PACRG: variants seen among roughly 807,000 people sequenced by gnomAD.
PACRG encodes parkin coregulated gene protein.
A neutral mutation model predicts 29.7 loss-of-function variants in PACRG; 29 were observed. That is an observed-to-expected ratio of 0.98 (90% CI 0.73 to 1.33). The LOEUF (loss-of-function observed/expected upper bound fraction) is 1.33. PACRG is among the 40% of genes most tolerant of loss of function. The pLI is 0.00. For missense variants in PACRG, 279 were observed against 316.2 expected (o/e 0.88, Z 0.89); for synonymous variants, 116 against 118.7 (o/e 0.98, Z 0.15).
chr6:162,893,790 G>T (rs1158758777), intron 2 of PACRG, among the ~76,000 whole-genome samples: 3 of 152,176 alleles, frequency 2.0e-5, no homozygotes, highest in African/African-American at 7.2e-5. Flanking sequence ...GAATCACCCA[G>T]TTAGAAAGAT....
intron 4 of PACRG, among the ~76,000 whole-genome samples, chr6:163,292,166 G>A (rs569975506): frequency 6.6e-6 from 1 of 152,264 alleles, no homozygotes; most frequent in African/African-American, 2.4e-5. Context: ...GACAACGTGC[G>A]GTGGTGGCAA....
intron 4 of PACRG, among the ~76,000 whole-genome samples, chr6:163,217,202 A>G (rs1781396522): frequency 6.6e-6 from 1 of 152,220 alleles, no homozygotes; most frequent in Non-Finnish European, 1.5e-5. Context: ...TGCAGAAGCT[A>G]GGGGTGCAGC....
At chr6:162,868,644 G>T (rs539387599) in intron 2 of PACRG, among the ~76,000 whole-genome samples, 3 of 152,032 alleles carry the variant, frequency 2.0e-5, no homozygotes, top group Non-Finnish European at 4.4e-5. Context: ...GGGCGCACCC[G>T]AGCCGCCAGA....
intron 2 of PACRG, among the ~76,000 whole-genome samples, chr6:162,835,245 G>A (rs1789119222): frequency 6.6e-6 from 1 of 152,086 alleles, no homozygotes; most frequent in South Asian, 2.1e-4. Context: ...AATATGCAAA[G>A]TATACATGAA....
intron 2 of PACRG, among the ~76,000 whole-genome samples, chr6:162,992,238 A>G (rs201373913): frequency 1.0e-5 from 1 of 100,440 alleles, no homozygotes; most frequent in Non-Finnish European, 1.9e-5. Flanking sequence ...TTGGTATCAG[A>G]ATGATGCTGG....
At chr6:163,155,764 C>T (rs948711927) in intron 4 of PACRG, among the ~76,000 whole-genome samples, 1 of 152,256 alleles carries the variant, frequency 6.6e-6, no homozygotes, top group Non-Finnish European at 1.5e-5. Context: ...GAGTCTCTAT[C>T]CTGTCCCAAC....
intron 4 of PACRG, chr6:163,166,239 A>T (rs1014267929): frequency 2.2e-6 from 1 of 455,604 alleles, no homozygotes; most frequent in Non-Finnish European, 4.4e-6. Context: ...CTCCTCTTTG[A>T]CTGTTTTGTT....
At chr6:163,194,784 A>C (rs1780370642) in intron 4 of PACRG, among the ~76,000 whole-genome samples, 1 of 152,216 alleles carries the variant, frequency 6.6e-6, no homozygotes, top group Non-Finnish European at 1.5e-5. Context: ...ACTGGGCCAC[A>C]GGAATGGGGC....
At position 162,777,130 on chromosome 6, in the gene PACRG, C is replaced by G. The variant is rs964740677; in HGVS notation, c.157-37017C>G. Among the ~76,000 whole-genome samples, 6 of 152,194 alleles carry G rather than the reference C, an allele frequency of 3.9e-5. No individual in the cohort carries two copies. The highest frequency in any genetic ancestry group is 8.8e-5 in the Non-Finnish European group (6 of 68,024). On this transcript the variant is annotated intron_variant, in intron 1 of 4. Coordinates refer to ENST00000366888, the MANE Select transcript of PACRG (RefSeq NM_001080379.2). This position sits in a 1 kb window ranked among gnomAD's most constrained non-coding sequence, Gnocchi z 4.0. ...CTAGCATTAAATCAACCAACTATTTCTCTGGGTGAATGTTCTGTCGCACAC... is the reference window on the plus strand; with the variant it reads ...CTAGCATTAAATCAACCAACTATTTGTCTGGGTGAATGTTCTGTCGCACAC...
At chr6:162,821,674 CAA>C (rs1354731908) in intron 2 of PACRG, among the ~76,000 whole-genome samples, 1 of 152,106 alleles carries the variant, frequency 6.6e-6, no homozygotes, top group African/African-American at 2.4e-5. Context: ...TTTTTAAACA[CAA>C]AATATGTGTC....
At chr6:163,238,185 A>T (rs1782324711) in intron 4 of PACRG, among the ~76,000 whole-genome samples, 1 of 152,226 alleles carries the variant, frequency 6.6e-6, no homozygotes, top group Non-Finnish European at 1.5e-5. Context: ...TTTATGGTCA[A>T]AGTGTCATAT....
Position 163,067,588 on chromosome 6 carries a change from TA to T in PACRG, c.463+5274del, listed in dbSNP as rs1332958568. ...TTTTAAAGAAAGCCAAGGTAACTTG[TA>T]AAAAAATAGAAATACAACAAGAGGA... is the stretch of plus-strand genomic sequence containing the variant. On this transcript the variant is annotated intron_variant, in intron 3 of 4. Coordinates refer to ENST00000366888, the MANE Select transcript of PACRG (RefSeq NM_001080379.2). Among the ~76,000 whole-genome samples, 4 of 152,204 alleles carry T rather than the reference TA, an allele frequency of 2.6e-5. No individual in the cohort carries two copies. The South Asian group carries it at 8.3e-4, about 32-fold the overall frequency.
At chr6:163,241,127 A>G (rs771003761) in intron 4 of PACRG, among the ~76,000 whole-genome samples, 5 of 152,202 alleles carry the variant, frequency 3.3e-5, no homozygotes, top group Non-Finnish European at 5.9e-5. Context: ...CTAGTGAAAG[A>G]TAAGATTTTA....
chr6:163,312,575 G>A (rs764718914), intron 4 of PACRG, among the ~76,000 whole-genome samples: 5 of 151,974 alleles, frequency 3.3e-5, no homozygotes, highest in Admixed American at 2.0e-4. Context: ...ACCTTCTCAC[G>A]CCTCCGAACA....
chr6:163,269,939 G>GAAAGAAAAC (rs61302364), intron 4 of PACRG, among the ~76,000 whole-genome samples: 15 of 19,966 alleles, frequency 7.5e-4, no homozygotes, highest in South Asian at 5.4e-3. Context: ...AACAAAGAAA[G>GAAAGAAAAC]AAAGAAAGAA....
intron 1 of PACRG, among the ~76,000 whole-genome samples, chr6:162,741,455 C>T (rs1055017909): frequency 6.6e-6 from 1 of 152,176 alleles, no homozygotes; most frequent in African/African-American, 2.4e-5. Context: ...CAGATAGCCA[C>T]CTTCTTGCTG....
intron 4 of PACRG, among the ~76,000 whole-genome samples, chr6:163,255,834 C>T (rs1381929782): frequency 6.6e-6 from 1 of 152,100 alleles, no homozygotes; most frequent in Admixed American, 6.5e-5. Context: ...TGGGGTTTTA[C>T]CATGTTGTCC....
At position 162,907,157 on chromosome 6, in the gene PACRG, C is replaced by CT. The variant is rs1255807846; in HGVS notation, c.291+92884dup. Among the ~76,000 whole-genome samples, 7 of 151,898 alleles carry CT rather than the reference C, an allele frequency of 4.6e-5. No individual in the cohort carries two copies. In the South Asian group the frequency reaches 1.0e-3, roughly 22 times the overall value. On this transcript the variant is annotated intron_variant, in intron 2 of 4. Transcript: ENST00000366888. The stretch of plus-strand genomic sequence containing the variant: ...TATGAATGATTTGCATGTATCAGAT[C>CT]TTTTTTTTATTCCAGACATTTTGTC...
chr6:162,900,796 G>A (rs559069375), intron 2 of PACRG, among the ~76,000 whole-genome samples: 115 of 152,246 alleles, frequency 7.6e-4, no homozygotes, highest in Non-Finnish European at 1.3e-3. Context: ...CTCAGCCATC[G>A]GATTTGGCTC....
Sources: allele counts gnomAD v4.1 joint callset (sites outside exome capture counted in the v4.1 genomes callset), GRCh38; gene constraint gnomAD v4.1.1; non-coding constraint Gnocchi (gnomAD v3.1); transcripts MANE v1.5; gene names NCBI Gene and HGNC (gene_info 2026-07-23, HGNC 2026-07-21).